ZNF507: variants seen among roughly 807,000 people sequenced by gnomAD.
ZNF507 encodes the protein zinc finger protein 507.
A neutral mutation model predicts 80.0 loss-of-function variants in ZNF507; 29 were observed. The observed-to-expected ratio is 0.36, with a 90% CI of 0.27 to 0.49. ZNF507 has a LOEUF of 0.49. Among genes scored for constraint, ZNF507 ranks in the 20% least tolerant of loss-of-function variants. ZNF507 has a pLI of 0.98. For missense variants in ZNF507, 1,081 were observed against 1,152.2 expected (o/e 0.94, Z 0.90); for synonymous variants, 462 against 422.5 (o/e 1.09, Z -1.15).
intron 2 of ZNF507, among the ~76,000 whole-genome samples, chr19:32,347,708 T>G (rs2145310136): frequency 6.6e-6 from 1 of 152,132 alleles, no homozygotes; most frequent in African/African-American, 2.4e-5. Context: ...GACTTGCACC[T>G]CATGGGCAAG....
In ZNF507 at chr19:32,377,690, C is replaced by T. The variant is rs543565469; in HGVS notation, c.2361-4777C>T. Among the ~76,000 whole-genome samples the T allele has an allele frequency of 2.4e-4, 36 of 152,262 alleles. No homozygotes were observed. In the East Asian group the frequency reaches 6.0e-3, roughly 25 times the overall value. On this transcript the variant is annotated intron_variant, in intron 5 of 6. Transcript: ENST00000355898. ...TTGAATAGGTGGGTGAGAATAGACA[C>T]ACCCCATGCAAAAGAATTCCATGTA...
chr19:32,352,085 C>A (rs1198107477), intron 2 of ZNF507, among the ~76,000 whole-genome samples: 3 of 144,122 alleles, frequency 2.1e-5, no homozygotes, highest in Admixed American at 6.8e-5. Flanking sequence ...AAAAAAAAAA[C>A]CATATATGTG....
chr19:32,345,656 G>A lies in ZNF507; in HGVS notation c.-224G>A, dbSNP rs1318156679. 1 of 152,900 alleles carries A rather than the reference G, an allele frequency of 6.5e-6. No homozygotes were observed. Among genetic ancestry groups the A allele is most frequent in the African/African-American group, 2.4e-5 (1 of 41,588 alleles). The allele number at this position is 152,900 out of a possible 1,614,324, so 9.5% of individuals were successfully genotyped here. On this transcript the variant is annotated 5_prime_UTR_variant, in exon 1 of 7. Coordinates refer to ENST00000355898, the MANE Select transcript of ZNF507 (RefSeq NM_001136156.2). ...GCCATTTTGGAGCTCCGGATGAGGA[G>A]GGGGAAACCGGGGGAAAAGAGGGAA... is the stretch of plus-strand genomic sequence containing the variant.
At chr19:32,366,936 C>T (rs1382221437) in intron 5 of ZNF507, among the ~76,000 whole-genome samples, 1 of 152,172 alleles carries the variant, frequency 6.6e-6, no homozygotes, top group Non-Finnish European at 1.5e-5. Flanking sequence ...TGAGTTTGAG[C>T]ATCTTTTCAT....
chr19:32,386,523 CTTCTATAGCCAAAG>C lies in ZNF507; in HGVS notation c.*3442_*3455del. ...AGTATTGTGTAACACTATGGCATTGCTTCTATAGCCAAAGTATAAAAATTTCTGGAATACTGACA... is the reference window on the plus strand; with the variant it reads ...AGTATTGTGTAACACTATGGCATTGCTATAAAAATTTCTGGAATACTGACA... On this transcript the variant is annotated 3_prime_UTR_variant, in exon 7 of 7. Coordinates refer to ENST00000355898, the MANE Select transcript of ZNF507 (RefSeq NM_001136156.2). 1 of 152,610 alleles carries C rather than the reference CTTCTATAGCCAAAG, an allele frequency of 6.6e-6. No homozygotes were observed. The highest frequency in any genetic ancestry group is 6.5e-5 in the Admixed American group (1 of 15,278). The allele number at this position is 152,610 out of a possible 1,614,324, so 9.5% of individuals were successfully genotyped here.
Position 32,354,485 on chromosome 19 carries a change from A to T in ZNF507, c.1655A>T (p.Asp552Val). The T allele has an allele frequency of 6.2e-7, 1 of 1,614,178 alleles. No individual in the cohort carries two copies. Among genetic ancestry groups the T allele is most frequent in the Admixed American group, 1.7e-5 (1 of 60,022 alleles). The change falls in exon 3 of 7, where the codon GAT becomes GTT. Residue 552 changes from aspartate (D) to valine (V), a missense_variant. Asp to Val is a radical substitution (Grantham distance 152). Around this residue, in one of 6 missense-constraint regions of ZNF507, gnomAD observed 614 missense variants for 583.9 expected, o/e 1.05. Transcript: ENST00000355898. ...ATGTCGCCACTTAAAAACTCTTCAG[A>T]TGGATTAACTAGTCTTAACCAAAGC... ...KMMSPLKNSS[D>V]GLTSLNQSNS...
In ZNF507 at chr19:32,387,493, C is replaced by T. The variant is rs567144871; in HGVS notation, c.*4410C>T. 1 of 152,266 alleles carries T rather than the reference C, an allele frequency of 6.6e-6. No individual in the cohort carries two copies. The highest frequency in any genetic ancestry group is 2.4e-5 in the African/African-American group (1 of 41,534). 9.4% of individuals were successfully genotyped at this position (152,266 alleles called of 1,614,324 possible). On this transcript the variant is annotated 3_prime_UTR_variant, in exon 7 of 7. Transcript: ENST00000355898. ...TCACTAACCTCCAAATTAAAGAATC[C>T]GAGCATGGAAGCTCTAGAACGTATG... is the stretch of plus-strand genomic sequence containing the variant.
chr19:32,352,336 C>G (rs956904261), intron 2 of ZNF507, among the ~76,000 whole-genome samples: 1 of 152,088 alleles, frequency 6.6e-6, no homozygotes, highest in Non-Finnish European at 1.5e-5. Context: ...AGTAATAAAA[C>G]TGCAGCTATA....
chr19:32,356,801 A>T (rs750203440), intron 4 of ZNF507, 68 bp downstream of exon 4: 8 of 1,224,584 alleles, frequency 6.5e-6, no homozygotes, highest in Non-Finnish European at 9.7e-6. Flanking sequence ...CTTAGTTGTC[A>T]TGGTTGGTTA....
chr19:32,367,803 G>C (rs542442501), intron 5 of ZNF507, among the ~76,000 whole-genome samples: 6 of 152,184 alleles, frequency 3.9e-5, no homozygotes, highest in Admixed American at 1.3e-4. Flanking sequence ...GAATGGAAAT[G>C]ATAAGGTTGT....
At chr19:32,376,953 A>G (rs954015201) in intron 5 of ZNF507, among the ~76,000 whole-genome samples, 2 of 152,146 alleles carry the variant, frequency 1.3e-5, no homozygotes, top group Admixed American at 6.5e-5. Flanking sequence ...TTATTTCTGC[A>G]TATCAGAGAC....
intron 5 of ZNF507, among the ~76,000 whole-genome samples, chr19:32,379,511 TTC>T (rs1187100836): frequency 1.3e-5 from 2 of 152,230 alleles, no homozygotes; most frequent in Non-Finnish European, 2.9e-5. Flanking sequence ...AAGCCTCACT[TTC>T]TTACTTCTTC....
intron 5 of ZNF507, among the ~76,000 whole-genome samples, chr19:32,369,428 C>T (rs1055738906): frequency 6.6e-6 from 1 of 152,134 alleles, no homozygotes; most frequent in Non-Finnish European, 1.5e-5. Flanking sequence ...AAAGCAGAAT[C>T]GTGACAGGTG....
rs1045009162 is a variant in ZNF507, at chr19:32,352,914, T to C, written c.84T>C (p.Ser28=). ...TACTGACTGCTGAAAGTATCATCAG[T>C]CCTTCATTGGAAATTGATGAACAAA... ...EAILTAESII[S]PSLEIDEQRK... The change falls in exon 3 of 7, where the codon AGT becomes AGC. Residue 28 remains serine (S), a synonymous_variant. Transcript: ENST00000355898. 1.2e-6 allele frequency: 2 copies of C among 1,613,924 alleles called. No individual in the cohort carries two copies. The highest frequency in any genetic ancestry group is 1.7e-6 in the Non-Finnish European group (2 of 1,179,998).
At chr19:32,358,687 G>A (rs961146876) in intron 4 of ZNF507, 1 of 152,190 alleles carries the variant, frequency 6.6e-6, no homozygotes, top group African/African-American at 2.4e-5. Flanking sequence ...CAAGCGCTGG[G>A]GATTCAGTCT....
chr19:32,352,121 T>G (rs1967177541), intron 2 of ZNF507, among the ~76,000 whole-genome samples: 1 of 142,662 alleles, frequency 7.0e-6, no homozygotes, highest in African/African-American at 2.8e-5. Context: ...TGACCACTAA[T>G]ATGACCTCTA....
rs1225769351 is a variant in ZNF507, at chr19:32,383,772, G to A, written c.*689G>A. On this transcript the variant is annotated 3_prime_UTR_variant, in exon 7 of 7. Coordinates refer to ENST00000355898, the MANE Select transcript of ZNF507 (RefSeq NM_001136156.2). ...TTACGATGAATTTCTTGTGAGCAGA[G>A]GACGAAACAGGTGAATTCTCACCAG... The A allele has an allele frequency of 1.3e-5, 2 of 152,212 alleles. No homozygotes were observed. Among genetic ancestry groups the A allele is most frequent in the Non-Finnish European group, 2.9e-5 (2 of 68,048 alleles). The allele number at this position is 152,212 out of a possible 1,614,324, so 9.4% of individuals were successfully genotyped here.
At chr19:32,346,460 C>T (rs1402907946) in intron 1 of ZNF507, among the ~76,000 whole-genome samples, 1 of 152,192 alleles carries the variant, frequency 6.6e-6, no homozygotes, top group South Asian at 2.1e-4. Flanking sequence ...CAGTCTGCAT[C>T]GCTCTTCTCA....
rs1468195993 is a variant in ZNF507 at position 32,353,733 on chromosome 19, G to C, written c.903G>C (p.Gly301=). The C allele has an allele frequency of 3.1e-6, 5 of 1,614,142 alleles. No individual in the cohort carries two copies. The highest frequency in any genetic ancestry group is 4.2e-6 in the Non-Finnish European group (5 of 1,180,028). Residue 301 remains glycine (G), a synonymous_variant, in exon 3 of 7, where the codon GGG becomes GGC. Transcript: ENST00000355898. ...CTTCAGCAGCTGCTGCGCCTGGTGG[G>C]GTCGATGCAGTCGTCATTGCTATTG... ...LDSSAAAAPG[G]VDAVVIAIGE... is the part of the protein sequence containing the mutation.
Sources: gnomAD v4.1 joint callset for allele counts (sites outside exome capture counted in the v4.1 genomes callset) on GRCh38, gnomAD v4.1.1 for gene constraint, gnomAD v4.1.1 regional missense constraint, MANE v1.5 for transcripts, NCBI Gene and HGNC (gene_info 2026-07-23, HGNC 2026-07-21) for gene names.